Variants in NCOR1 observed in about 807,000 individuals in gnomAD.
NCOR1 encodes the protein nuclear receptor corepressor 1, also known as protein phosphatase 1, regulatory subunit 109.
NCOR1 carries 63 observed loss-of-function variants against 288.1 expected under a neutral mutation model. The observed-to-expected ratio is 0.22, with a 90% CI of 0.18 to 0.27. The LOEUF (loss-of-function observed/expected upper bound fraction) is 0.27. Ranked by LOEUF, NCOR1 falls within the 10% of genes least tolerant of loss-of-function variation. NCOR1 has a pLI of 1.00. For synonymous variants in NCOR1, 1,007 were observed against 1,065.9 expected, an observed-to-expected ratio of 0.94 and a Z score of 1.08; for missense variants, 2,397 against 3,019.2, an observed-to-expected ratio of 0.79 and a Z score of 4.83.
intron 2 of NCOR1, among the ~76,000 whole-genome samples, chr17:16,190,515 G>C (rs1045342717): frequency 7.3e-6 from 1 of 137,186 alleles, no homozygotes; most frequent in Non-Finnish European, 1.6e-5. Flanking sequence ...TTTTTTTTTT[G>C]TATTTTTAGT....
intron 3 of NCOR1, among the ~76,000 whole-genome samples, chr17:16,173,559 G>A (rs1485309275): frequency 6.6e-6 from 1 of 151,628 alleles, no homozygotes; most frequent in Non-Finnish European, 1.5e-5. Flanking sequence ...CGAAGTTGGA[G>A]GATACAAAAT....
chr17:16,139,953 A>G (rs1306173580), intron 11 of NCOR1, among the ~76,000 whole-genome samples: 1 of 152,224 alleles, frequency 6.6e-6, no homozygotes, highest in Non-Finnish European at 1.5e-5. Flanking sequence ...CAAAGTCTCT[A>G]ATTTCCTGGG....
chr17:16,051,272 A>G (rs2059280838), intron 40 of NCOR1, among the ~76,000 whole-genome samples: 1 of 152,134 alleles, frequency 6.6e-6, no homozygotes, highest in East Asian at 1.9e-4. Context: ...CTCACCTCCC[A>G]ATATCTGTCA....
chr17:16,100,260 AAT>A (rs898186514), intron 20 of NCOR1, among the ~76,000 whole-genome samples: 1 of 152,212 alleles, frequency 6.6e-6, no homozygotes, highest in African/African-American at 2.4e-5. Context: ...GTACCTGTAA[AAT>A]ATATATCTTT....
In NCOR1 at chr17:16,108,864, C is replaced by T; in HGVS notation, c.2104G>A (p.Val702Ile). The change falls in exon 19 of 46, where the codon GTC (valine) becomes ATC (isoleucine). Residue 702 changes from valine to isoleucine, a missense_variant. Physicochemically the swap from Val to Ile is conservative, Grantham distance 29 (BLOSUM62 3). Coordinates refer to ENST00000268712, the MANE Select transcript of NCOR1 (RefSeq NM_006311.4). ...TCCTGAGCAGAAACAGTGGAAGCGA[C>T]ACTTTCACATTGAGACACATCTCGC... ...EERDVSQCES[V>I]ASTVSAQEDE... The T allele has an allele frequency of 2.5e-6, 4 of 1,607,286 alleles. No individual in the cohort carries two copies. Among genetic ancestry groups the T allele is most frequent in the Non-Finnish European group, 3.4e-6 (4 of 1,175,960 alleles).
chr17:16,101,052 ATC>A (rs1372437068), intron 20 of NCOR1, among the ~76,000 whole-genome samples, 196 bp downstream of exon 20: 3 of 152,268 alleles, frequency 2.0e-5, no homozygotes, highest in Non-Finnish European at 2.9e-5. Context: ...GAAATGTATA[ATC>A]TGTTTCATTA....
intron 42 of NCOR1, chr17:16,045,008 A>G (rs7218152): frequency 0.037 from 17,157 of 464,992 alleles, 530 homozygotes; most frequent in African/African-American, 0.093. Context: ...AGAAAAAAAA[A>G]AAAAGAATAA....
At chr17:16,156,327 T>C (rs2079773869) in intron 6 of NCOR1, among the ~76,000 whole-genome samples, 1 of 151,478 alleles carries the variant, frequency 6.6e-6, no homozygotes, top group Non-Finnish European at 1.5e-5. Context: ...TCCCAGTTAC[T>C]TGGGAGGCTG....
chr17:16,192,404 C>G (rs1438958193), intron 2 of NCOR1, among the ~76,000 whole-genome samples: 4 of 152,168 alleles, frequency 2.6e-5, no homozygotes, highest in Non-Finnish European at 5.9e-5. Context: ...GCCTGTAATC[C>G]CAGCGCTTTG....
intron 7 of NCOR1, among the ~76,000 whole-genome samples, chr17:16,152,689 A>G (rs988534503): frequency 3.9e-5 from 6 of 152,210 alleles, no homozygotes; most frequent in Non-Finnish European, 8.8e-5. Flanking sequence ...TCGCTGGGTC[A>G]AATGGTATTT....
intron 20 of NCOR1, 25 bp from the exon 21 acceptor site, chr17:16,098,521 A>G (rs910894241): frequency 2.5e-6 from 4 of 1,590,392 alleles, no homozygotes; most frequent in African/African-American, 2.7e-5. Flanking sequence ...TAAAAAAAAG[A>G]TAAATGAATA....
intron 2 of NCOR1, among the ~76,000 whole-genome samples, chr17:16,189,772 T>A (rs2087705369): frequency 6.6e-6 from 1 of 152,090 alleles, no homozygotes; most frequent in African/African-American, 2.4e-5. Flanking sequence ...AAGAATAAAG[T>A]GAAACTTTAT....
chr17:16,103,165 C>T (rs183516900), intron 19 of NCOR1, among the ~76,000 whole-genome samples: 5 of 152,270 alleles, frequency 3.3e-5, no homozygotes, highest in Admixed American at 6.5e-5. Context: ...AATAACCACT[C>T]GCAAATCAGA....
At chr17:16,167,041 A>C (rs1413781872) in intron 4 of NCOR1, among the ~76,000 whole-genome samples, 1 of 150,794 alleles carries the variant, frequency 6.6e-6, no homozygotes. Context: ...TGATACATTA[A>C]TATCATTCTC....
At chr17:16,069,248 G>A (rs2061468964) in intron 31 of NCOR1, among the ~76,000 whole-genome samples, 1 of 152,082 alleles carries the variant, frequency 6.6e-6, no homozygotes, top group Non-Finnish European at 1.5e-5. Flanking sequence ...GTCCCAGCGT[G>A]CTCAAATATG....
intron 18 of NCOR1, among the ~76,000 whole-genome samples, chr17:16,115,234 A>AGG (rs1391767963): frequency 3.9e-5 from 6 of 152,282 alleles, no homozygotes; most frequent in South Asian, 2.1e-4. Flanking sequence ...GCAAACAGCA[A>AGG]GGGGGTCCTG....
chr17:16,077,928 T>C (rs1354114103), intron 26 of NCOR1, among the ~76,000 whole-genome samples: 1 of 152,204 alleles, frequency 6.6e-6, no homozygotes, highest in Non-Finnish European at 1.5e-5. Context: ...AATTGTGATA[T>C]GAGGGAAAAA....
rs771676759 is a variant in NCOR1, at chr17:16,057,572, G to A, written c.6334C>T (p.His2112Tyr). The A allele has an allele frequency of 1.3e-5, 21 of 1,614,192 alleles. No homozygotes were observed. The highest frequency in any genetic ancestry group is 1.8e-5 in the Non-Finnish European group (21 of 1,180,032). Residue 2112 changes from histidine (H) to tyrosine (Y), a missense_variant, in exon 40 of 46, where the codon CAT (histidine) becomes TAT (tyrosine). Transcript: ENST00000268712. The stretch of plus-strand genomic sequence containing the variant: ...GAGACCCTTGAACCTGGTCTTTGAT[G>A]ATGGACAGACTGAGCCTGGGATTCT... Reference protein sequence around the residue: ...SPESQAQSVHHQRPGSRVSPE... With the variant: ...SPESQAQSVHYQRPGSRVSPE...
At chr17:16,153,957 T>C (rs925871836) in intron 6 of NCOR1, among the ~76,000 whole-genome samples, 1 of 151,400 alleles carries the variant, frequency 6.6e-6, no homozygotes, top group Non-Finnish European at 1.5e-5. Context: ...TTTGAATTAT[T>C]CAAAGTGCTC....
Sources: gnomAD v4.1 joint callset for allele counts (sites outside exome capture counted in the v4.1 genomes callset) on GRCh38, gnomAD v4.1.1 for gene constraint, MANE v1.5 for transcripts, NCBI Gene and HGNC (gene_info 2026-07-23, HGNC 2026-07-21) for gene names.